The following LARS2 variants were observed in gnomAD, a reference collection of about 807,000 sequenced individuals.
The protein encoded by LARS2 is leucine--tRNA ligase, mitochondrial.
LARS2 carries 81 observed loss-of-function variants against 116.6 expected under a neutral mutation model. The observed-to-expected ratio is 0.69, with a 90% CI of 0.58 to 0.84. The LOEUF is 0.84. LARS2 is among the 40% of genes least tolerant of loss of function. LARS2 has a pLI of 0.00. For synonymous variants in LARS2, 396 were observed against 407.2 expected (o/e 0.97, Z 0.33); for missense variants, 968 against 1,114.5 (o/e 0.87, Z 1.87).
intron 8 of LARS2, among the ~76,000 whole-genome samples, chr3:45,461,357 G>A (rs762874880): frequency 2.0e-5 from 3 of 151,952 alleles, no homozygotes; most frequent in Non-Finnish European, 4.4e-5. Flanking sequence ...CCTATGTAGT[G>A]AACAGCATGT....
At chr3:45,501,621 A>C (rs1700123000) in intron 15 of LARS2, among the ~76,000 whole-genome samples, 1 of 152,194 alleles carries the variant, frequency 6.6e-6, no homozygotes, top group Admixed American at 6.5e-5. Flanking sequence ...GCAATTATGA[A>C]CAAAACTGCT....
intron 18 of LARS2, among the ~76,000 whole-genome samples, chr3:45,518,657 A>T (rs571861891): frequency 6.6e-6 from 1 of 152,112 alleles, no homozygotes; most frequent in African/African-American, 2.4e-5. Flanking sequence ...CATGTGAACT[A>T]TTGTGGGTTA....
intron 16 of LARS2, among the ~76,000 whole-genome samples, chr3:45,513,861 G>A (rs1048722575): frequency 6.6e-6 from 1 of 152,168 alleles, no homozygotes; most frequent in Non-Finnish European, 1.5e-5. Context: ...GTGCCATGGT[G>A]AGGATGTATC....
intron 4 of LARS2, among the ~76,000 whole-genome samples, chr3:45,405,207 G>C (rs1298032161): frequency 6.6e-6 from 1 of 151,770 alleles, no homozygotes; most frequent in Admixed American, 6.6e-5. Context: ...TCCCATCTTG[G>C]CCTCCCAAAG....
intron 7 of LARS2, among the ~76,000 whole-genome samples, chr3:45,453,504 A>G (rs1224865437): frequency 1.3e-5 from 2 of 152,228 alleles, no homozygotes; most frequent in Non-Finnish European, 2.9e-5. Flanking sequence ...TGGTAAAGCT[A>G]AGTTTGCAGC....
rs2125741428 is a variant in LARS2, at chr3:45,501,783, T to C, written c.1760+1204T>C. On this transcript the variant is annotated intron_variant, in intron 15 of 21. Transcript: ENST00000645846. ...TTTCCATAGTGATTACCTAAGCCTA[T>C]ACTCCCACTAGTAGAAATGAGGGAT... 1.3e-5 allele frequency among the ~76,000 whole-genome samples: 2 copies of C among 152,358 alleles called. 1 individual carries two copies. Among genetic ancestry groups the C allele is most frequent in the South Asian group, 4.1e-4 (2 of 4,824 alleles).
chr3:45,427,116 CTCTT>C (rs763848620), intron 6 of LARS2, among the ~76,000 whole-genome samples: 1 of 152,164 alleles, frequency 6.6e-6, no homozygotes, highest in Non-Finnish European at 1.5e-5. Flanking sequence ...CAAAATCTCT[CTCTT>C]CCTGACTGAA....
At chr3:45,424,265 T>G (rs1469072664) in intron 6 of LARS2, among the ~76,000 whole-genome samples, 2 of 152,190 alleles carry the variant, frequency 1.3e-5, no homozygotes, top group Non-Finnish European at 2.9e-5. Flanking sequence ...TTAATACACA[T>G]AACCTAATGA....
chr3:45,429,559 C>G (rs994640502), intron 6 of LARS2, among the ~76,000 whole-genome samples: 1 of 152,134 alleles, frequency 6.6e-6, no homozygotes, highest in African/African-American at 2.4e-5. Context: ...ATTGGGCCAC[C>G]TGGATAATTT....
chr3:45,477,375 CCT>C (rs956829027), intron 10 of LARS2, among the ~76,000 whole-genome samples: 7 of 152,180 alleles, frequency 4.6e-5, no homozygotes, highest in Admixed American at 6.5e-5. Flanking sequence ...CAGACAGTCC[CCT>C]GAGTGCCACT....
chr3:45,473,655 A>G (rs1699564470), intron 8 of LARS2, among the ~76,000 whole-genome samples: 1 of 148,432 alleles, frequency 6.7e-6, no homozygotes, highest in African/African-American at 2.5e-5. Flanking sequence ...AAGTGCTGAT[A>G]TTACAGGCGT....
At chr3:45,533,139 G>GTA (rs1559499579) in intron 20 of LARS2, among the ~76,000 whole-genome samples, 11 of 86,390 alleles carry the variant, frequency 1.3e-4, no homozygotes, top group African/African-American at 4.2e-4. Flanking sequence ...GTCACATTAA[G>GTA]TCTTTTTTTT....
In LARS2 at chr3:45,394,475, T is replaced by C. The variant is rs77377258; in HGVS notation, c.22T>C (p.Leu8=). The C allele has an allele frequency of 9.8e-4, 1,587 of 1,613,874 alleles. 15 individuals carry two copies. The African/African-American group carries it at 0.018, about 18-fold the overall frequency. MASVWQR[L]GFYASLLKRQ... ...AAGAATGGCTTCTGTTTGGCAGAGA[T>C]TGGGTTTTTATGCCTCTCTTCTGAA... is the stretch of plus-strand genomic sequence containing the variant. The change falls in exon 3 of 22, where the codon TTG becomes CTG. Residue 8 remains leucine, a synonymous_variant. Coordinates refer to ENST00000645846, the MANE Select transcript of LARS2 (RefSeq NM_015340.4).
At chr3:45,497,440 T>C (rs1700033701) in intron 14 of LARS2, among the ~76,000 whole-genome samples, 2 of 152,202 alleles carry the variant, frequency 1.3e-5, no homozygotes, top group Admixed American at 1.3e-4. Context: ...TAATTGCTCT[T>C]GTCCATGGCA....
intron 3 of LARS2, among the ~76,000 whole-genome samples, chr3:45,396,660 C>T (rs1698051924): frequency 6.6e-6 from 1 of 152,196 alleles, no homozygotes; most frequent in Non-Finnish European, 1.5e-5. Flanking sequence ...ATTTAATGAG[C>T]ATTTAACCAT....
chr3:45,503,635 G>C lies in LARS2; in HGVS notation c.1760+3056G>C, dbSNP rs374945481. 4.0e-5 allele frequency among the ~76,000 whole-genome samples: 6 copies of C among 151,542 alleles called. No homozygotes were observed. The South Asian group carries it at 1.3e-3, about 32-fold the overall frequency. ...TCAGGACAATAATTCAGGCTCTCTT[G>C]TCTGCTGTATTACCAGAAGCATAAT... On this transcript the variant is annotated intron_variant, in intron 15 of 21. Coordinates refer to ENST00000645846, the MANE Select transcript of LARS2 (RefSeq NM_015340.4).
intron 10 of LARS2, 102 bp downstream of exon 10, chr3:45,476,729 GGTT>G (rs1286340292): frequency 1.6e-5 from 20 of 1,219,576 alleles, no homozygotes; most frequent in Non-Finnish European, 2.3e-5. Flanking sequence ...ATCTTGCGTG[GGTT>G]GTTCTTTGCC....
At chr3:45,527,792 T>C (rs961954152) in intron 20 of LARS2, among the ~76,000 whole-genome samples, 1 of 152,228 alleles carries the variant, frequency 6.6e-6, no homozygotes, top group Non-Finnish European at 1.5e-5. Context: ...AATTATGACA[T>C]GGTCTTGTTT....
chr3:45,472,146 A>G (rs567515118), intron 8 of LARS2, among the ~76,000 whole-genome samples: 1 of 152,230 alleles, frequency 6.6e-6, no homozygotes, highest in Non-Finnish European at 1.5e-5. Context: ...TTAGGGGAGA[A>G]CAAGGGCACA....
Sources: gnomAD v4.1 joint callset for allele counts (sites outside exome capture counted in the v4.1 genomes callset) on GRCh38, gnomAD v4.1.1 for gene constraint, MANE v1.5 for transcripts, NCBI Gene and HGNC (gene_info 2026-07-23, HGNC 2026-07-21) for gene names.